The following IL17REL variants were observed in gnomAD, a reference collection of about 807,000 sequenced individuals.
IL17REL encodes interleukin 17 receptor E like.
IL17REL carries 36 observed loss-of-function variants against 49.0 expected under a neutral mutation model. That is an observed-to-expected ratio of 0.73 (90% CI 0.56 to 0.97). The LOEUF (loss-of-function observed/expected upper bound fraction) is 0.97, where lower values mean the gene tolerates loss of function less well. IL17REL is among the 50% of genes least tolerant of loss of function. IL17REL has a pLI of 0.00. For synonymous variants in IL17REL, 206 were observed against 192.4 expected (o/e 1.07, Z -0.58); for missense variants, 470 against 453.9 (o/e 1.04, Z -0.32).
downstream of IL17REL, among the ~76,000 whole-genome samples, chr22:49,994,345 G>T (rs141570660): frequency 2.2e-3 from 328 of 150,958 alleles, 4 homozygotes; most frequent in African/African-American, 7.8e-3. Context: ...CCAGAGACCC[G>T]GCACCTCCCC....
At chr22:49,996,515 A>C (rs891809997) in exon 13 of IL17REL, 9 of 154,246 alleles carry the variant, frequency 5.8e-5, no homozygotes, top group Non-Finnish European at 5.8e-5. Context: ...CAGAGCTCTG[A>C]TCAGGGAAGG....
downstream of IL17REL, among the ~76,000 whole-genome samples, chr22:49,993,465 G>A (rs1010185258): frequency 6.6e-6 from 1 of 152,180 alleles, no homozygotes; most frequent in Non-Finnish European, 1.5e-5. The surrounding 1 kb of genome is among the most constrained non-coding windows in gnomAD (Gnocchi z 6.0). Context: ...AGGAGGCGGT[G>A]GGTGCACTGG....
At chr22:50,010,907 G>C (rs995176011), upstream of IL17REL, among the ~76,000 whole-genome samples, 3 of 151,862 alleles carry the variant, frequency 2.0e-5, no homozygotes, top group Non-Finnish European at 4.4e-5. Flanking sequence ...GCCGGCGTCG[G>C]GGGGTGTGCA....
exon 4 of IL17REL, chr22:50,000,520 G>T: frequency 1.2e-6 from 2 of 1,613,650 alleles, no homozygotes; most frequent in South Asian, 2.2e-5. Context: ...CCGCAGAAAT[G>T]AGGGATGGTC....
chr22:50,004,237 C>A (rs2061095739), intron 1 of IL17REL, among the ~76,000 whole-genome samples: 1 of 152,112 alleles, frequency 6.6e-6, no homozygotes, highest in Admixed American at 6.5e-5. Context: ...TACCACCACA[C>A]CCGACTAATT....
intron 1 of IL17REL, among the ~76,000 whole-genome samples, chr22:50,005,527 C>T (rs938619091): frequency 9.9e-5 from 15 of 152,066 alleles, no homozygotes; most frequent in African/African-American, 2.4e-4. Flanking sequence ...CTGGGCCGGG[C>T]GCGGTGGCTC....
intron 1 of IL17REL, among the ~76,000 whole-genome samples, chr22:50,002,965 G>A (rs552900440): frequency 2.0e-5 from 3 of 152,330 alleles, no homozygotes; most frequent in Admixed American, 6.5e-5. Flanking sequence ...GACAGGAAAC[G>A]GCCACAGTGA....
intron 1 of IL17REL, among the ~76,000 whole-genome samples, chr22:50,004,600 C>G (rs2061098231): frequency 3.3e-5 from 5 of 151,942 alleles, no homozygotes; most frequent in Admixed American, 3.3e-4. Flanking sequence ...CAACAACTCC[C>G]CTTTAATCCT....
In IL17REL at chr22:50,000,859, GC is replaced by G; in HGVS notation, c.113del (p.Arg38ProfsTer10). The G allele has an allele frequency of 6.4e-7, 1 of 1,559,362 alleles. No individual in the cohort carries two copies. The highest frequency in any genetic ancestry group is 8.7e-7 in the Non-Finnish European group (1 of 1,155,516). On this transcript the variant is annotated frameshift_variant, in exon 3 of 13. Transcript: ENST00000341280. LOFTEE classifies it high-confidence loss of function. ...TGGCACAGGCCTCCAGGCCCCGCAG[GC>G]GCTCTGGGTGGAGGAAGGACCCGGC...
intron 1 of IL17REL, 53 bp from the exon 3 acceptor site, chr22:50,001,284 C>T (rs1011038203): frequency 1.0e-5 from 8 of 782,018 alleles, no homozygotes; most frequent in Non-Finnish European, 1.7e-5. Context: ...CTCGGAAAGG[C>T]TTTGTGGGTG....
intron 1 of IL17REL, among the ~76,000 whole-genome samples, chr22:50,006,041 C>T (rs1350510877): frequency 6.6e-6 from 1 of 151,904 alleles, no homozygotes. Context: ...TAGGAGGTTG[C>T]TTTACAGGGG....
exon 13 of IL17REL, chr22:49,996,783 C>T (rs1377067034): frequency 2.0e-6 from 1 of 503,594 alleles, no homozygotes; most frequent in Non-Finnish European, 3.5e-6. Flanking sequence ...TCCTGCGGCC[C>T]CTGAGAGATG....
chr22:49,995,989 G>C (rs1350842848), exon 13 of IL17REL: 1 of 152,520 alleles, frequency 6.6e-6, no homozygotes, highest in Non-Finnish European at 1.5e-5. Context: ...TGATCTGCTG[G>C]AGGTGACCTT....
At chr22:50,003,093 G>A (rs1319687059) in intron 1 of IL17REL, among the ~76,000 whole-genome samples, 2 of 152,178 alleles carry the variant, frequency 1.3e-5, no homozygotes, top group Admixed American at 6.5e-5. Flanking sequence ...CTGGGCAGCC[G>A]GACCGAGTAT....
chr22:50,004,788 G>C (rs1282693049), intron 1 of IL17REL, among the ~76,000 whole-genome samples: 1 of 151,080 alleles, frequency 6.6e-6, no homozygotes. Flanking sequence ...GGAGGCAGAG[G>C]TTGCAGTGAG....
At chr22:50,008,692 G>C (rs1048057217) in exon 1 of IL17REL, 6 of 152,444 alleles carry the variant, frequency 3.9e-5, no homozygotes, top group African/African-American at 1.2e-4. Flanking sequence ...AGAGGGGTGA[G>C]CGGCTGAGGG....
At chr22:50,001,647 C>T (rs1373212223) in intron 1 of IL17REL, among the ~76,000 whole-genome samples, 1 of 152,250 alleles carries the variant, frequency 6.6e-6, no homozygotes, top group African/African-American at 2.4e-5. Context: ...GTTGCTGCAG[C>T]CCAGGCCTCT....
chr22:49,997,516 G>C, intron 10 of IL17REL, 33 bp from the exon 13 acceptor site: 1 of 1,368,190 alleles, frequency 7.3e-7, no homozygotes, highest in Admixed American at 1.9e-5. Flanking sequence ...CCCCCATCCG[G>C]CCCAGCACCC....
At chr22:50,011,903 G>A (rs2061143320), upstream of IL17REL, among the ~76,000 whole-genome samples, 3 of 152,352 alleles carry the variant, frequency 2.0e-5, no homozygotes, top group South Asian at 6.2e-4. Flanking sequence ...CCCCATGCCA[G>A]GAACGGTGCA....
Sources: gnomAD v4.1 joint callset for allele counts (sites outside exome capture counted in the v4.1 genomes callset) on GRCh38, gnomAD v4.1.1 for gene constraint, Gnocchi (gnomAD v3.1) non-coding constraint, MANE v1.5 for transcripts, NCBI Gene and HGNC (gene_info 2026-07-23, HGNC 2026-07-21) for gene names.